The following KANSL1 variants were observed in gnomAD, a reference collection of about 807,000 sequenced individuals.
KANSL1 encodes KAT8 regulatory NSL complex subunit 1.
KANSL1 carries 22 observed loss-of-function variants against 103.6 expected under a neutral mutation model. The ratio of observed to expected loss-of-function variants is 0.21; its 90% CI spans 0.15 to 0.30. The LOEUF is 0.30. Ranked by LOEUF, KANSL1 falls within the 10% of genes least tolerant of loss-of-function variation. The pLI is 1.00. For synonymous variants in KANSL1, 600 were observed against 527.6 expected (o/e 1.14, Z -1.88); for missense variants, 1,337 against 1,399.8 (o/e 0.96, Z 0.72).
intron 1 of KANSL1, among the ~76,000 whole-genome samples, chr17:46,185,698 C>CAT (rs1567781995): frequency 0.15 from 15,946 of 105,380 alleles, 1 homozygote; most frequent in Non-Finnish European, 0.22. Flanking sequence ...TATATACACA[C>CAT]ACACACACAC....
At chr17:46,105,947 A>ACACACACC (rs1396276906) in intron 2 of KANSL1, among the ~76,000 whole-genome samples, 44 of 57,854 alleles carry the variant, frequency 7.6e-4, no homozygotes, top group South Asian at 2.2e-3. Flanking sequence ...ACACACACAC[A>ACACACACC]CCCCCCCAGA....
At chr17:46,160,488 T>G (rs546068365) in intron 2 of KANSL1, among the ~76,000 whole-genome samples, 18 of 152,250 alleles carry the variant, frequency 1.2e-4, no homozygotes, top group Non-Finnish European at 1.8e-4. Context: ...GAGAAGGGGT[T>G]TCGCCATGTT....
At chr17:46,108,671 A>G (rs2042673190) in intron 2 of KANSL1, among the ~76,000 whole-genome samples, 1 of 152,232 alleles carries the variant, frequency 6.6e-6, no homozygotes, top group South Asian at 2.1e-4. Context: ...AGGAAGCAGG[A>G]AGAGAGAGGG....
In KANSL1 at chr17:46,209,137, T is replaced by C. The variant is rs144037969; in HGVS notation, c.-90+14534A>G. ...GTCGGAGGTTGCAGTGAGCCAAGAT[T>C]GCGCCGATTGCACTCCAGCCTGAGT... On this transcript the variant is annotated intron_variant, in intron 1 of 14. Coordinates refer to the KANSL1 transcript ENST00000572904. 4.3e-3 allele frequency among the ~76,000 whole-genome samples: 649 copies of C among 151,852 alleles called. 3 individuals are homozygous for C. The highest frequency in any genetic ancestry group is 0.041 in the Middle Eastern group (12 of 294).
intron 1 of KANSL1, among the ~76,000 whole-genome samples, chr17:46,191,424 G>C (rs1197027058): frequency 2.0e-5 from 3 of 152,174 alleles, no homozygotes; most frequent in Non-Finnish European, 2.9e-5. Context: ...AAGGGGAAAG[G>C]GAAAACACAC....
At chr17:46,213,982 A>G (rs2048258093) in intron 1 of KANSL1, among the ~76,000 whole-genome samples, 1 of 152,176 alleles carries the variant, frequency 6.6e-6, no homozygotes, top group South Asian at 2.1e-4. Context: ...ATTCCCTGCC[A>G]AATATACTAC....
chr17:46,115,108 A>G (rs2042986562), intron 2 of KANSL1, among the ~76,000 whole-genome samples: 1 of 152,086 alleles, frequency 6.6e-6, no homozygotes, highest in Non-Finnish European at 1.5e-5. Context: ...TCATGCAGGC[A>G]GGAGTGCAAT....
At chr17:46,039,637 G>A (rs544583287) in intron 8 of KANSL1, 65 bp downstream of exon 8, 45 of 1,529,970 alleles carry the variant, frequency 2.9e-5, no homozygotes, top group Middle Eastern at 1.9e-4. Context: ...CTACAAATTT[G>A]AGAATATAAA....
At chr17:46,140,356 C>T (rs180967349) in intron 2 of KANSL1, among the ~76,000 whole-genome samples, 1 of 152,032 alleles carries the variant, frequency 6.6e-6, no homozygotes, top group Non-Finnish European at 1.5e-5. Context: ...TATCCACAGG[C>T]AAAATAAAAT....
At chr17:46,057,544 G>A (rs62060767) in intron 6 of KANSL1, among the ~76,000 whole-genome samples, 21,775 of 152,020 alleles carry the variant, frequency 0.14, 2,127 homozygotes, top group Non-Finnish European at 0.22. Flanking sequence ...GATCACCAGT[G>A]GTTGATAACA....
At chr17:46,175,310 C>CTGTGTGTGTGTGTGTG (rs71138529) in intron 1 of KANSL1, among the ~76,000 whole-genome samples, 5 of 137,478 alleles carry the variant, frequency 3.6e-5, no homozygotes, top group African/African-American at 8.4e-5. Context: ...TGTCTTATTG[C>CTGTGTGTGTGTGTGTG]TGTGTGTGTG....
At chr17:46,174,620 T>C (rs1324112680) in intron 1 of KANSL1, among the ~76,000 whole-genome samples, 2 of 152,278 alleles carry the variant, frequency 1.3e-5, no homozygotes, top group Non-Finnish European at 1.5e-5. Flanking sequence ...AAATGTCCAG[T>C]GAATGTCAGG....
intron 2 of KANSL1, among the ~76,000 whole-genome samples, chr17:46,145,847 G>C (rs1452406718): frequency 1.4e-4 from 21 of 152,160 alleles, no homozygotes; most frequent in Admixed American, 9.2e-4. Context: ...TCCTGCCTCA[G>C]CCTCCCGAGT....
At chr17:46,178,570 A>C (rs1271058348) in intron 1 of KANSL1, among the ~76,000 whole-genome samples, 1 of 152,250 alleles carries the variant, frequency 6.6e-6, no homozygotes, top group Admixed American at 6.5e-5. Context: ...AAGCTTGTAC[A>C]GATAAAAGAA....
intron 2 of KANSL1, among the ~76,000 whole-genome samples, chr17:46,109,660 A>G (rs2042720125): frequency 6.6e-6 from 1 of 152,230 alleles, no homozygotes; most frequent in Non-Finnish European, 1.5e-5. Flanking sequence ...ATTGGAAGAT[A>G]TCACTCCCAG....
intron 1 of KANSL1, among the ~76,000 whole-genome samples, chr17:46,209,317 C>G (rs960513824): frequency 2.0e-5 from 3 of 152,166 alleles, no homozygotes; most frequent in Non-Finnish European, 2.9e-5. Flanking sequence ...TTATATAATT[C>G]TTATTTGCTT....
At chr17:46,087,463 T>A (rs2079208320) in intron 3 of KANSL1, among the ~76,000 whole-genome samples, 1 of 152,210 alleles carries the variant, frequency 6.6e-6, no homozygotes, top group Non-Finnish European at 1.5e-5. Context: ...GCAGGTAGCA[T>A]CTATTGAGTG....
chr17:46,057,791 C>T (rs1417385373), intron 6 of KANSL1, among the ~76,000 whole-genome samples: 5 of 152,214 alleles, frequency 3.3e-5, no homozygotes, highest in Non-Finnish European at 7.3e-5. Flanking sequence ...TAGGTGTTCA[C>T]TGTAAAATTC....
chr17:46,063,901 T>G (rs1308298293), intron 6 of KANSL1, among the ~76,000 whole-genome samples: 2 of 142,468 alleles, frequency 1.4e-5, no homozygotes, highest in African/African-American at 2.4e-5. Flanking sequence ...TGGCGGTTTT[T>G]TTTTTTTTTT....
Sources: gnomAD v4.1 joint callset for allele counts (sites outside exome capture counted in the v4.1 genomes callset) on GRCh38, gnomAD v4.1.1 for gene constraint, MANE v1.5 for transcripts, NCBI Gene and HGNC (gene_info 2026-07-23, HGNC 2026-07-21) for gene names.